Variants in PALMD observed in about 807,000 individuals in gnomAD.
PALMD encodes palmdelphin.
PALMD carries 42 observed loss-of-function variants against 56.2 expected under a neutral mutation model. The observed-to-expected ratio is 0.75, with a 90% CI of 0.58 to 0.97. The LOEUF is 0.97. Among genes scored for constraint, PALMD ranks in the 50% least tolerant of loss-of-function variants. The pLI is 0.00. For missense variants in PALMD, 660 were observed against 643.8 expected (o/e 1.03, Z -0.27); for synonymous variants, 242 against 222.9 (o/e 1.09, Z -0.76).
rs536960846 is a variant in PALMD at position 99,689,635 on chromosome 1, G to A, written c.1375G>A (p.Glu459Lys). The change falls in exon 7 of 8, where the codon GAG becomes AAG. Residue 459 changes from glutamate to lysine, a missense_variant. Coordinates refer to ENST00000263174, the MANE Select transcript of PALMD (RefSeq NM_017734.5). ...DEEEEDEGEA[E>K]KPSYHPIAPH... The stretch of plus-strand genomic sequence containing the variant: ...GGAGGAGGAGGATGAAGGAGAAGCA[G>A]AGAAACCGTCCTACCACCCCATAGC... 225 of 1,613,710 alleles carry A rather than the reference G, an allele frequency of 1.4e-4. 1 individual carries two copies. The South Asian group carries it at 2.4e-3, about 17-fold the overall frequency.
intron 6 of PALMD, among the ~76,000 whole-genome samples, chr1:99,687,802 G>A (rs1653542279): frequency 6.6e-6 from 1 of 152,150 alleles, no homozygotes; most frequent in Non-Finnish European, 1.5e-5. Context: ...TATCATGGTA[G>A]GGAGTGCAAT....
chr1:99,680,366 G>A (rs1653311476), intron 3 of PALMD, among the ~76,000 whole-genome samples: 1 of 152,080 alleles, frequency 6.6e-6, no homozygotes, highest in Admixed American at 6.6e-5. Context: ...GAATAGGCAA[G>A]GAAAAGCAAG....
At chr1:99,649,720 C>T (rs1462387845) in intron 1 of PALMD, among the ~76,000 whole-genome samples, 1 of 152,192 alleles carries the variant, frequency 6.6e-6, no homozygotes, top group Non-Finnish European at 1.5e-5. Context: ...AATACCATTA[C>T]AAATATGGAT....
intron 3 of PALMD, among the ~76,000 whole-genome samples, chr1:99,675,997 G>C (rs1390737551): frequency 6.6e-6 from 1 of 152,122 alleles, no homozygotes; most frequent in African/African-American, 2.4e-5. Flanking sequence ...CTAAACATCT[G>C]CTCTGTTCCC....
intron 3 of PALMD, chr1:99,686,153 G>A (rs1250545912): frequency 1.3e-5 from 2 of 152,042 alleles, no homozygotes; most frequent in African/African-American, 4.8e-5. Flanking sequence ...TTAGGAAACT[G>A]AAATTAAATC....
rs887297374 is a variant in PALMD, at chr1:99,689,709, A to T, written c.1449A>T (p.Arg483Ser). ...CAGCCAAACCAACACCACTTCCTAG[A>T]AAAAGATCAGAAGCTAGTCCTCATG... ...YQPAKPTPLPRKRSEASPHEN... is the reference protein window; with the variant it reads ...YQPAKPTPLPSKRSEASPHEN... Residue 483 changes from arginine (R) to serine (S), a missense_variant, in exon 7 of 8, where the codon AGA (arginine) becomes AGT (serine). By Grantham distance (110) the Arg-to-Ser change is moderately radical. Coordinates refer to ENST00000263174, the MANE Select transcript of PALMD (RefSeq NM_017734.5). 3 of 1,613,724 alleles carry T rather than the reference A, an allele frequency of 1.9e-6. No homozygotes were observed. Among genetic ancestry groups the T allele is most frequent in the South Asian group, 2.2e-5 (2 of 91,072 alleles).
At chr1:99,674,186 A>G (rs1653153195) in intron 3 of PALMD, among the ~76,000 whole-genome samples, 2 of 152,082 alleles carry the variant, frequency 1.3e-5, no homozygotes, top group South Asian at 2.1e-4. Flanking sequence ...ACCTTTCAGC[A>G]TTCATTCTTG....
chr1:99,647,926 T>C (rs1652479789), intron 1 of PALMD, among the ~76,000 whole-genome samples: 1 of 152,194 alleles, frequency 6.6e-6, no homozygotes, highest in Non-Finnish European at 1.5e-5. Context: ...TATGGCTGTA[T>C]ACAGTTATTT....
chr1:99,685,280 G>C (rs1057229202), intron 3 of PALMD: 1 of 152,162 alleles, frequency 6.6e-6, no homozygotes, highest in Non-Finnish European at 1.5e-5. Context: ...GAGTAGCAGA[G>C]ACAGAATTGA....
intron 7 of PALMD, chr1:99,690,136 T>C: frequency 4.3e-6 from 2 of 468,632 alleles, no homozygotes; most frequent in Middle Eastern, 5.3e-4. Flanking sequence ...TCTTCTATCA[T>C]GGTATGGTGC....
chr1:99,659,679 A>G (rs999245985), intron 1 of PALMD, among the ~76,000 whole-genome samples: 2 of 152,238 alleles, frequency 1.3e-5, no homozygotes, highest in African/African-American at 2.4e-5. Flanking sequence ...AGTTATTGTC[A>G]TATTATTTTT....
intron 3 of PALMD, among the ~76,000 whole-genome samples, chr1:99,683,112 A>G (rs1252265116): frequency 2.8e-4 from 32 of 114,966 alleles, no homozygotes; most frequent in Non-Finnish European, 3.9e-4. Context: ...GAAAGAAAGA[A>G]AGAAAGAAAG....
intron 1 of PALMD, 137 bp from the exon 2 acceptor site, chr1:99,662,182 T>C: frequency 1.6e-6 from 1 of 613,042 alleles, no homozygotes; most frequent in Non-Finnish European, 2.9e-6. Context: ...TGCTTTGAAA[T>C]AGGAGTTTCC....
chr1:99,649,924 G>T (rs1652527862), intron 1 of PALMD, among the ~76,000 whole-genome samples: 2 of 152,112 alleles, frequency 1.3e-5, no homozygotes, highest in Non-Finnish European at 2.9e-5. Flanking sequence ...TAAGGAATGT[G>T]TGTTATCAAC....
At chr1:99,650,285 GA>G (rs200081370) in intron 1 of PALMD, among the ~76,000 whole-genome samples, 210 of 116,708 alleles carry the variant, frequency 1.8e-3, no homozygotes, top group Middle Eastern at 5.2e-3. Context: ...TGCTCATAAT[GA>G]AAAAAAAAAA....
At chr1:99,670,646 A>G (rs1219949401) in intron 3 of PALMD, among the ~76,000 whole-genome samples, 1 of 152,172 alleles carries the variant, frequency 6.6e-6, no homozygotes, top group Non-Finnish European at 1.5e-5. Context: ...TGATCCTAAA[A>G]AGATGTATTT....
chr1:99,690,602 A>C (rs747885031), intron 7 of PALMD, among the ~76,000 whole-genome samples: 7 of 152,130 alleles, frequency 4.6e-5, no homozygotes, highest in Non-Finnish European at 8.8e-5. Flanking sequence ...TACAAAAGTG[A>C]TAGCTTCTCA....
In PALMD at chr1:99,648,583, G is replaced by A. The variant is rs139262964; in HGVS notation, c.45+2221G>A. On this transcript the variant is annotated intron_variant, in intron 1 of 7. Coordinates refer to ENST00000263174, the MANE Select transcript of PALMD (RefSeq NM_017734.5). The stretch of plus-strand genomic sequence containing the variant: ...CTTACCTACACTGAAATAATTTTTT[G>A]TATACTTCAAGAATGAAATCAGAAG... Among the ~76,000 whole-genome samples the A allele has an allele frequency of 1.1e-4, 17 of 151,386 alleles. No individual in the cohort carries two copies. The East Asian group carries it at 1.9e-3, about 17-fold the overall frequency.
At chr1:99,650,574 A>C (rs1652557449) in intron 1 of PALMD, among the ~76,000 whole-genome samples, 1 of 152,198 alleles carries the variant, frequency 6.6e-6, no homozygotes, top group Non-Finnish European at 1.5e-5. Flanking sequence ...TTTTGTCAAT[A>C]TCTGGGCTCT....
Sources: allele counts gnomAD v4.1 joint callset (sites outside exome capture counted in the v4.1 genomes callset), GRCh38; gene constraint gnomAD v4.1.1; transcripts MANE v1.5; gene names NCBI Gene and HGNC (gene_info 2026-07-23, HGNC 2026-07-21).